TTN: variants seen among roughly 807,000 people sequenced by gnomAD.
The protein encoded by TTN is connectin.
A neutral mutation model predicts 3,223.0 loss-of-function variants in TTN; 1,525 were observed. The observed-to-expected ratio is 0.47, with a 90% CI of 0.45 to 0.49. The LOEUF (loss-of-function observed/expected upper bound fraction) is 0.49, where lower values mean the gene tolerates loss of function less well. Ranked by LOEUF, TTN falls within the 20% of genes least tolerant of loss-of-function variation. The probability of loss-of-function intolerance (pLI) is 0.00; values close to 1 mark genes in which losing one functional copy is unlikely to be tolerated. For synonymous variants in TTN, 14,094 were observed against 15,161.0 expected (o/e 0.93, Z 5.17); for missense variants, 40,786 against 43,424.0 (o/e 0.94, Z 5.40).
chr2:178,541,509 G>C lies in TTN; in HGVS notation c.97568C>G (p.Pro32523Arg), dbSNP rs1406600321. The C allele has an allele frequency of 6.2e-7, 1 of 1,613,204 alleles. No individual in the cohort carries two copies. The highest frequency in any genetic ancestry group is 8.5e-7 in the Non-Finnish European group (1 of 1,179,498). ...CACTTGGGAGCCACCGTCATCCTCT[G>C]GTGGGTACCAAGTAAGTGTCATGCC... is the stretch of plus-strand genomic sequence containing the variant. Reference protein sequence around the residue: ...RDGMTLTWYPPEDDGGSQVTG... With the variant: ...RDGMTLTWYPREDDGGSQVTG... The change falls in exon 350 of 363, where the codon CCA becomes CGA. Residue 32523 changes from proline (P) to arginine (R), a missense_variant. Pro to Arg is a moderately radical substitution (Grantham distance 103). Transcript: ENST00000589042.
Position 178,622,646 on chromosome 2 carries a change from G to C in TTN, c.44913+24C>G. 1.9e-6 allele frequency: 3 copies of C among 1,565,646 alleles called. No homozygotes were observed. In the South Asian group the frequency reaches 3.5e-5, roughly 18 times the overall value. The stretch of plus-strand genomic sequence containing the variant: ...AATATAAAGTTATTTGACAGTACAA[G>C]ATGACAGGTATACAGTCACAGACCT... On this transcript the variant is annotated intron_variant, in intron 243 of 362. Transcript: ENST00000589042.
chr2:178,731,204 C>T lies in TTN; in HGVS notation c.17462-1G>A. The T allele has an allele frequency of 6.2e-7, 1 of 1,612,400 alleles. No homozygotes were observed. The highest frequency in any genetic ancestry group is 8.5e-7 in the Non-Finnish European group (1 of 1,178,916). ...GCTTCCTCGGTGATTGTTGCAGGTT[C>T]TGTAGAAAACAAAGGGATAGATGTG... On this transcript the variant is annotated splice_acceptor_variant, in intron 59 of 362. Transcript: ENST00000589042. LOFTEE classifies it high-confidence loss of function.
chr2:178,718,477 A>C lies in TTN; in HGVS notation c.24629T>G (p.Leu8210Arg). 1 of 1,613,750 alleles carries C rather than the reference A, an allele frequency of 6.2e-7. No individual in the cohort carries two copies. Among genetic ancestry groups the C allele is most frequent in the Non-Finnish European group, 8.5e-7 (1 of 1,179,746 alleles). Residue 8210 changes from leucine (L) to arginine (R), a missense_variant, in exon 85 of 363, where the codon CTT (leucine) becomes CGT (arginine). Coordinates refer to ENST00000589042, the MANE Select transcript of TTN (RefSeq NM_001267550.2). ...ACTGCATCTCTCAGATTGTGAAATA[A>C]GATACTCGTCCTTTATCCAGCTCAC... ...ISVSWIKDEY[L>R]ISQSERCSIT...
rs771434062 is a variant in TTN, at chr2:178,719,426, G to A, written c.23964C>T (p.Ile7988=). ...TGGCATTCACGTCTTTCAGCTTGCG[G>A]ATGAAGGAAGGAGGCACAATCCGAT... The part of the protein sequence containing the change: ...VSDRIVPPSF[I]RKLKDVNAIL... The change falls in exon 83 of 363, where the codon ATC becomes ATT. Residue 7988 remains isoleucine (I), a synonymous_variant. Coordinates refer to ENST00000589042, the MANE Select transcript of TTN (RefSeq NM_001267550.2). 1 of 1,612,806 alleles carries A rather than the reference G, an allele frequency of 6.2e-7. No homozygotes were observed. The highest frequency in any genetic ancestry group is 1.3e-5 in the African/African-American group (1 of 74,844).
In TTN at chr2:178,538,805, A is replaced by G; in HGVS notation, c.99024T>C (p.Leu33008=). ...KPSQPGELEI[L]SISKDSVTLQ... Reference sequence around the variant, plus strand: ...GAGTGACACTATCTTTGGATATTGAAAGAATCTCAAGTTCTCCTGGTTGGC... The same window carrying G: ...GAGTGACACTATCTTTGGATATTGAGAGAATCTCAAGTTCTCCTGGTTGGC... The change falls in exon 354 of 363, where the codon CTT becomes CTC. Residue 33008 remains leucine, a synonymous_variant. Coordinates refer to ENST00000589042, the MANE Select transcript of TTN (RefSeq NM_001267550.2). 1 of 1,611,234 alleles carries G rather than the reference A, an allele frequency of 6.2e-7. No homozygotes were observed. Among genetic ancestry groups the G allele is most frequent in the Non-Finnish European group, 8.5e-7 (1 of 1,178,278 alleles).
At position 178,636,896 on chromosome 2, in the gene TTN, AT is replaced by A; in HGVS notation, c.40928-98del. 7.3e-7 allele frequency: 1 copy of A among 1,366,716 alleles called. No homozygotes were observed. Among genetic ancestry groups the A allele is most frequent in the Non-Finnish European group, 9.7e-7 (1 of 1,029,542 alleles). The allele number at this position is 1,366,716 out of a possible 1,614,324, so 84.7% of individuals were successfully genotyped here. A position where few individuals can be genotyped will look rare whatever the true frequency, so the allele number is the denominator to read the frequency against. ...GCTGGATAAAACCAGCCGTAAAGCA[AT>A]TAGAAGACGAGAAAACTAAAGACCA... is the stretch of plus-strand genomic sequence containing the variant. On this transcript the variant is annotated intron_variant, in intron 224 of 362. Transcript: ENST00000589042. This position sits in a 1 kb window ranked among gnomAD's most constrained non-coding sequence, Gnocchi z 4.3.
In TTN at chr2:178,599,242, CT is replaced by C; in HGVS notation, c.56550del (p.Glu18851LysfsTer46). 6.4e-7 allele frequency: 1 copy of C among 1,555,144 alleles called. No homozygotes were observed. The highest frequency in any genetic ancestry group is 8.7e-7 in the Non-Finnish European group (1 of 1,155,700). ...ATTCGGAATACATATTCATGGCCTT[CT>C]AGCAATTTGGGAATCGTGTACGTGC... Reference protein sequence around the residue: ...KECTYTIPKLLEGHEYVFRIM... With the variant: ...KECTYTIPKLXEGHEYVFRIM... On this transcript the variant is annotated frameshift_variant, in exon 290 of 363. Coordinates refer to ENST00000589042, the MANE Select transcript of TTN (RefSeq NM_001267550.2). LOFTEE classifies it high-confidence loss of function.
chr2:178,776,310 C>CTCTA lies in TTN; in HGVS notation c.5550_5553dup (p.Val1852Ter). ...AACCTTGCAGTCTCCCCTTCAAGTA[C>CTCTA]TCTAACTGGCTCTGGGTACAAGACA... On this transcript the variant is annotated stop_gained and frameshift_variant, in exon 28 of 363. Transcript: ENST00000589042. LOFTEE classifies it high-confidence loss of function. The CTCTA allele has an allele frequency of 6.2e-7, 1 of 1,614,052 alleles. No homozygotes were observed. Among genetic ancestry groups the CTCTA allele is most frequent in the Non-Finnish European group, 8.5e-7 (1 of 1,180,000 alleles).
In TTN at chr2:178,775,710, C is replaced by G. The variant is rs1358326215; in HGVS notation, c.6154G>C (p.Ala2052Pro). 1.2e-6 allele frequency: 2 copies of G among 1,614,014 alleles called. No individual in the cohort carries two copies. The highest frequency in any genetic ancestry group is 1.7e-6 in the Non-Finnish European group (2 of 1,180,006). ...GTGATTTTGCCTTCTTCGGCAAGAGCTTTCTTTTCCTCTTCAGTTAACTCT... is the reference window on the plus strand; with the variant it reads ...GTGATTTTGCCTTCTTCGGCAAGAGGTTTCTTTTCCTCTTCAGTTAACTCT... ...TKELTEEEKK[A>P]LAEEGKITIP... The change falls in exon 28 of 363, where the codon GCT (alanine) becomes CCT (proline). Residue 2052 changes from alanine to proline, a missense_variant. Transcript: ENST00000589042.
intron 97 of TTN, 48 bp from the exon 98 acceptor site, chr2:178,710,970 A>G: frequency 6.4e-7 from 1 of 1,564,946 alleles, no homozygotes; most frequent in Non-Finnish European, 8.6e-7. Flanking sequence ...TATCTGGACC[A>G]TGTCAGTTTA....
Position 178,786,011 on chromosome 2 carries a change from C to T in TTN, c.2207G>A (p.Gly736Glu), listed in dbSNP as rs1420857110. 3.1e-6 allele frequency: 5 copies of T among 1,613,988 alleles called. No homozygotes were observed. In the East Asian group the frequency reaches 6.7e-5, roughly 22 times the overall value. ...TGCGGCGGAAATGCGTTCCTTATAT[C>T]CGTACTCCAAAGTGGTCTGCTGAGC... ...SYAQQTTLEY[G>E]YKERISAAKV... The change falls in exon 14 of 363, where the codon GGA (glycine) becomes GAA (glutamate). Residue 736 changes from glycine (G) to glutamate (E), a missense_variant. Transcript: ENST00000589042.
chr2:178,584,540 C>T lies in TTN; in HGVS notation c.65011G>A (p.Val21671Ile), dbSNP rs764854284. The T allele has an allele frequency of 5.0e-6, 8 of 1,612,764 alleles. No individual in the cohort carries two copies. Among genetic ancestry groups the T allele is most frequent in the South Asian group, 4.4e-5 (4 of 91,002 alleles). ...GCAACAAAAATACAGTCCTTGTTGA[C>T]TTTGGTGACTCGTGCATTCTTTGGT... Reference protein sequence around the residue: ...SEPKNARVTKVNKDCIFVAWD... With the variant: ...SEPKNARVTKINKDCIFVAWD... Residue 21671 changes from valine (V) to isoleucine (I), a missense_variant, in exon 311 of 363, where the codon GTC becomes ATC. Val to Ile is a conservative substitution (Grantham distance 29). Coordinates refer to ENST00000589042, the MANE Select transcript of TTN (RefSeq NM_001267550.2).
rs886042615 is a variant in TTN at position 178,561,861 on chromosome 2, T to C, written c.84271A>G (p.Ile28091Val). 6 of 1,613,568 alleles carry C rather than the reference T, an allele frequency of 3.7e-6. No homozygotes were observed. The highest frequency in any genetic ancestry group is 2.2e-5 in the South Asian group (2 of 91,084). ...GAGGTGGTTTCTTTCTTTTCAACAA[T>C]GTAATTGCTAATTTGGCAGCCACCA... is the stretch of plus-strand genomic sequence containing the variant. ...YDGGCQISNY[I>V]VEKKETTSTT... The change falls in exon 326 of 363, where the codon ATT becomes GTT. Residue 28091 changes from isoleucine (I) to valine (V), a missense_variant. Transcript: ENST00000589042.
chr2:178,584,909 A>G lies in TTN; in HGVS notation c.64732T>C (p.Ser21578Pro). 1 of 1,613,322 alleles carries G rather than the reference A, an allele frequency of 6.2e-7. No individual in the cohort carries two copies. Among genetic ancestry groups the G allele is most frequent in the Non-Finnish European group, 8.5e-7 (1 of 1,179,524 alleles). Residue 21578 changes from serine (S) to proline (P), a missense_variant, in exon 310 of 363, where the codon TCC (serine) becomes CCC (proline). Physicochemically the swap from Ser to Pro is moderately conservative, Grantham distance 74 (BLOSUM62 -1). Coordinates refer to ENST00000589042, the MANE Select transcript of TTN (RefSeq NM_001267550.2). ...TCCAGAGGGATGTGCCATGACAGGG[A>G]GCAAGCATCAGCGTCTATATCAGAA... is the stretch of plus-strand genomic sequence containing the variant. Reference protein sequence around the residue: ...DISDIDADACSLSWHIPLEDG... With the variant: ...DISDIDADACPLSWHIPLEDG...
At position 178,727,282 on chromosome 2, in the gene TTN, G is replaced by A. The variant is rs1278595517; in HGVS notation, c.20083C>T (p.Pro6695Ser). 1 of 1,612,944 alleles carries A rather than the reference G, an allele frequency of 6.2e-7. No individual in the cohort carries two copies. The highest frequency in any genetic ancestry group is 1.7e-5 in the Admixed American group (1 of 59,906). ...CGGAACCACACAACTCTGATTTCTG[G>A]GGATCCAGCTATCTTGCATTCAAGT... ...SRLECKIAGSPEIRVVWFRNE... is the reference protein window; with the variant it reads ...SRLECKIAGSSEIRVVWFRNE... The change falls in exon 69 of 363, where the codon CCA (proline) becomes TCA (serine). Residue 6695 changes from proline to serine, a missense_variant. Pro to Ser is a moderately conservative substitution (Grantham distance 74). Transcript: ENST00000589042.
intron 221 of TTN, among the ~76,000 whole-genome samples, 154 bp from the exon 222 acceptor site, chr2:178,640,264 A>G (rs1196401502): frequency 6.6e-6 from 1 of 152,002 alleles, no homozygotes; most frequent in African/African-American, 2.4e-5. Flanking sequence ...TTCATTTTAA[A>G]CAAAATATTT....
In TTN at chr2:178,582,525, C is replaced by T. The variant is rs763432227; in HGVS notation, c.65931G>A (p.Trp21977Ter). ...KMYSDRAMLS[W>*]EPPLEDGGSE... The stretch of plus-strand genomic sequence containing the variant: ...AGCCTCCATCTTCAAGAGGCGGTTC[C>T]CAAGAAAGCATAGCACGATCTGAAT... Residue 21977 changes from tryptophan to a stop codon, truncating the protein, a stop_gained, in exon 314 of 363, where the codon TGG (tryptophan) becomes TGA (stop). Transcript: ENST00000589042. LOFTEE classifies it high-confidence loss of function. 6.2e-7 allele frequency: 1 copy of T among 1,612,844 alleles called. No homozygotes were observed. Among genetic ancestry groups the T allele is most frequent in the Admixed American group, 1.7e-5 (1 of 59,962 alleles).
In TTN at chr2:178,636,350, G is replaced by T; in HGVS notation, c.41329+48C>A. 2 of 1,533,410 alleles carry T rather than the reference G, an allele frequency of 1.3e-6. No individual in the cohort carries two copies. Among genetic ancestry groups the T allele is most frequent in the Non-Finnish European group, 1.8e-6 (2 of 1,142,272 alleles). The allele number at this position is 1,533,410 out of a possible 1,614,324, so 95.0% of individuals were successfully genotyped here. On this transcript the variant is annotated intron_variant, in intron 225 of 362. Transcript: ENST00000589042. The surrounding 1 kb of genome is among the most constrained non-coding windows in gnomAD (Gnocchi z 4.3). The stretch of plus-strand genomic sequence containing the variant: ...ACAATGCAAGTTGCTACTAAGGTTT[G>T]TTACATTAAAGTTTAATATAGATTA...
rs567215912 is a variant in TTN, at chr2:178,604,322, C to A, written c.54382-17G>T. On this transcript the variant is annotated splice_polypyrimidine_tract_variant and intron_variant, in intron 281 of 362. Transcript: ENST00000589042. ...TTTCCAGATCTAGAAATTAGAAAAA[C>A]AGAAATTTATTGAAGAGAATATACT... The A allele has an allele frequency of 1.8e-5, 26 of 1,431,090 alleles. No individual in the cohort carries two copies. The highest frequency in any genetic ancestry group is 2.5e-5 in the Admixed American group (1 of 39,236). 88.6% of individuals were successfully genotyped at this position (1,431,090 alleles called of 1,614,324 possible).
Sources: gnomAD v4.1 joint callset for allele counts (sites outside exome capture counted in the v4.1 genomes callset) on GRCh38, gnomAD v4.1.1 for gene constraint, Gnocchi (gnomAD v3.1) non-coding constraint, MANE v1.5 for transcripts, NCBI Gene and HGNC (gene_info 2026-07-23, HGNC 2026-07-21) for gene names.